Variants in PATJ observed in about 807,000 individuals in gnomAD.
PATJ encodes the protein inaD-like protein.
In PATJ, 190 loss-of-function variants were observed where a neutral mutation model predicts 224.9. That is an observed-to-expected ratio of 0.84 (90% CI 0.75 to 0.95). The LOEUF is 0.95. Among genes scored for constraint, PATJ ranks in the 40% least tolerant of loss-of-function variants. The probability of loss-of-function intolerance (pLI) is 0.00; values close to 1 mark genes in which losing one functional copy is unlikely to be tolerated. For synonymous variants in PATJ, 769 were observed against 820.3 expected (o/e 0.94, Z 1.07); for missense variants, 2,121 against 2,270.3 (o/e 0.93, Z 1.34).
chr1:62,095,290 T>G (rs1427853995), intron 33 of PATJ, among the ~76,000 whole-genome samples: 1 of 152,218 alleles, frequency 6.6e-6, no homozygotes. Context: ...TCCTGCATGC[T>G]CTTGTGAGAT....
chr1:62,136,776 C>T (rs1666949284), intron 41 of PATJ, among the ~76,000 whole-genome samples: 1 of 151,780 alleles, frequency 6.6e-6, no homozygotes, highest in Non-Finnish European at 1.5e-5. Context: ...ACAATCATGG[C>T]TCACAGCAGC....
chr1:61,857,701 T>C (rs1663917348), intron 18 of PATJ, among the ~76,000 whole-genome samples: 1 of 152,244 alleles, frequency 6.6e-6, no homozygotes, highest in African/African-American at 2.4e-5. Flanking sequence ...TTTCCCAGGT[T>C]CTACTCCCAG....
At chr1:62,115,662 G>A (rs1664379108) in intron 35 of PATJ, among the ~76,000 whole-genome samples, 1 of 148,338 alleles carries the variant, frequency 6.7e-6, no homozygotes, top group Non-Finnish European at 1.5e-5. Context: ...GGATTTCCAG[G>A]TAATATCCTA....
chr1:62,051,006 G>A lies in PATJ; in HGVS notation c.4073G>A (p.Gly1358Asp), dbSNP rs745870514. The A allele has an allele frequency of 3.7e-6, 6 of 1,613,940 alleles. No individual in the cohort carries two copies. The Admixed American group carries it at 1.0e-4, about 27-fold the overall frequency. Reference sequence around the variant, plus strand: ...GAACCTATTAGTAGTGAGGAAGATGGCAGCGTCGAAGTTGGTATTAAACAA... The same window carrying A: ...GAACCTATTAGTAGTGAGGAAGATGACAGCGTCGAAGTTGGTATTAAACAA... The part of the protein sequence containing the change: ...GTEPISSEED[G>D]SVEVGIKQLP... Residue 1358 changes from glycine (G) to aspartate (D), a missense_variant, in exon 31 of 44, where the codon GGC becomes GAC. Coordinates refer to ENST00000642238, the MANE Select transcript of PATJ (RefSeq NM_001350145.3).
chr1:61,954,702 T>A (rs1680181210), intron 27 of PATJ, among the ~76,000 whole-genome samples: 1 of 152,044 alleles, frequency 6.6e-6, no homozygotes, highest in African/African-American at 2.4e-5. Context: ...ATGTATTTTT[T>A]AAACAATTTA....
chr1:61,860,157 A>G (rs1283967658), intron 18 of PATJ, among the ~76,000 whole-genome samples: 2 of 152,200 alleles, frequency 1.3e-5, no homozygotes, highest in Non-Finnish European at 2.9e-5. Flanking sequence ...CTTAAAACCT[A>G]GGTGACAGGT....
intron 29 of PATJ, among the ~76,000 whole-genome samples, chr1:62,034,542 C>T (rs41394744): frequency 0.15 from 23,357 of 151,642 alleles, 1,945 homozygotes; most frequent in Middle Eastern, 0.26. Flanking sequence ...CAGATGTCAT[C>T]CAGGCCCCAC....
At chr1:61,835,119 C>T (rs577677826) in intron 17 of PATJ, among the ~76,000 whole-genome samples, 2 of 152,150 alleles carry the variant, frequency 1.3e-5, no homozygotes, top group Admixed American at 1.3e-4. Flanking sequence ...AGATAGCCCT[C>T]TTCCTTTTTA....
At chr1:61,762,971 A>G in intron 2 of PATJ, 42 bp from the exon 3 acceptor site, 1 of 1,546,860 alleles carries the variant, frequency 6.5e-7, no homozygotes, top group Non-Finnish European at 8.8e-7. Flanking sequence ...GGAATCTCAA[A>G]TGGGACTTAA....
At chr1:62,016,227 CT>C (rs1312625488) in intron 28 of PATJ, among the ~76,000 whole-genome samples, 2 of 152,172 alleles carry the variant, frequency 1.3e-5, no homozygotes, top group African/African-American at 4.8e-5. Flanking sequence ...GGAAGGGCCA[CT>C]TTTTAGATAG....
chr1:61,992,594 A>C (rs1645134769), intron 28 of PATJ, among the ~76,000 whole-genome samples: 1 of 152,130 alleles, frequency 6.6e-6, no homozygotes. Flanking sequence ...TATAATTTGG[A>C]ATATGAAGAT....
chr1:61,886,908 A>C (rs1222552963), intron 22 of PATJ, among the ~76,000 whole-genome samples: 1 of 149,518 alleles, frequency 6.7e-6, no homozygotes, highest in East Asian at 1.9e-4. Flanking sequence ...TTAAGGCTGG[A>C]AGGTTGATGC....
intron 30 of PATJ, among the ~76,000 whole-genome samples, chr1:62,048,630 G>C (rs998360372): frequency 6.7e-6 from 1 of 150,306 alleles, no homozygotes; most frequent in Non-Finnish European, 1.5e-5. Flanking sequence ...AAAGTTAACT[G>C]TACCTGGTGT....
chr1:61,844,533 A>G lies in PATJ; in HGVS notation c.2112+10748A>G, dbSNP rs974263493. Among the ~76,000 whole-genome samples the G allele has an allele frequency of 3.9e-5, 6 of 152,288 alleles. No individual in the cohort carries two copies. The South Asian group carries it at 1.0e-3, about 26-fold the overall frequency. On this transcript the variant is annotated intron_variant, in intron 17 of 43. Transcript: ENST00000642238. The stretch of plus-strand genomic sequence containing the variant: ...AACTGCAGTCTGAAAATATTAAGCT[A>G]TTTTTGAGAGAGACCATATTCACAT...
At position 62,163,504 on chromosome 1, in the gene PATJ, A is replaced by T. The variant is rs986617934; in HGVS notation, c.*2450A>T. 9 of 152,722 alleles carry T rather than the reference A, an allele frequency of 5.9e-5. No homozygotes were observed. Among genetic ancestry groups the T allele is most frequent in the Admixed American group, 1.3e-4 (2 of 15,284 alleles). 9.5% of individuals were successfully genotyped at this position (152,722 alleles called of 1,614,324 possible). A position where few individuals can be genotyped will look rare whatever the true frequency, so the allele number is the denominator to read the frequency against. On this transcript the variant is annotated 3_prime_UTR_variant, in exon 44 of 44. Coordinates refer to ENST00000642238, the MANE Select transcript of PATJ (RefSeq NM_001350145.3). ...GCCATTAAATACACATTTTGAGATA[A>T]TACATTGTTGTGGTGTTTCTTTATA...
intron 33 of PATJ, among the ~76,000 whole-genome samples, chr1:62,094,231 C>CA (rs1412528882): frequency 3.9e-5 from 6 of 151,908 alleles, no homozygotes; most frequent in Admixed American, 1.3e-4. Flanking sequence ...CCTGTCTCTA[C>CA]AAAAAATTAA....
intron 22 of PATJ, among the ~76,000 whole-genome samples, chr1:61,895,088 T>C (rs926656654): frequency 2.0e-5 from 3 of 152,188 alleles, no homozygotes; most frequent in African/African-American, 7.2e-5. Flanking sequence ...GCAGAAGAAA[T>C]TTCTAAGCAG....
At chr1:62,078,618 G>T (rs987905392) in intron 31 of PATJ, among the ~76,000 whole-genome samples, 3 of 151,710 alleles carry the variant, frequency 2.0e-5, no homozygotes, top group Admixed American at 1.3e-4. Flanking sequence ...TTCATTGGAG[G>T]TACTGTCAGC....
intron 17 of PATJ, among the ~76,000 whole-genome samples, chr1:61,851,476 C>G (rs756565738): frequency 6.6e-6 from 1 of 151,938 alleles, no homozygotes; most frequent in Non-Finnish European, 1.5e-5. Flanking sequence ...TTTCACAATA[C>G]CTGGGATAAA....
Sources: allele counts gnomAD v4.1 joint callset (sites outside exome capture counted in the v4.1 genomes callset), GRCh38; gene constraint gnomAD v4.1.1; transcripts MANE v1.5; gene names NCBI Gene and HGNC (gene_info 2026-07-23, HGNC 2026-07-21).